Variants in PTPRN2 observed in about 807,000 individuals in gnomAD.
The protein encoded by PTPRN2 is protein tyrosine phosphatase receptor type N2.
PTPRN2 carries 74 observed loss-of-function variants against 118.8 expected under a neutral mutation model. The observed-to-expected ratio is 0.62, with a 90% CI of 0.52 to 0.76. The LOEUF (loss-of-function observed/expected upper bound fraction) is 0.76. PTPRN2 is among the 30% of genes least tolerant of loss of function. PTPRN2 has a pLI of 0.00. For synonymous variants in PTPRN2, 641 were observed against 608.0 expected (o/e 1.05, Z -0.80); for missense variants, 1,481 against 1,394.4 (o/e 1.06, Z -0.99).
intron 2 of PTPRN2, among the ~76,000 whole-genome samples, chr7:158,337,618 GGAGACACC>G (rs1805925358): frequency 8.8e-6 from 1 of 113,470 alleles, no homozygotes; most frequent in African/African-American, 3.4e-5. Flanking sequence ...CACCATAAGA[GGAGACACC>G]TGCAGACGTC....
In PTPRN2 at chr7:157,729,283, G is replaced by T. The variant is rs529586130; in HGVS notation, c.1789-46346C>A. Among the ~76,000 whole-genome samples, 3 of 152,162 alleles carry T rather than the reference G, an allele frequency of 2.0e-5. No individual in the cohort carries two copies. In the East Asian group the frequency reaches 5.8e-4, roughly 29 times the overall value. ...ATCCACTTGGCCCAGATTTGTTTTG[G>T]GAGGCAGGTGGGAACCCATGAGCTG... On this transcript the variant is annotated intron_variant, in intron 12 of 22. Transcript: ENST00000389418. The surrounding 1 kb of genome is among the most constrained non-coding windows in gnomAD (Gnocchi z 4.3).
intron 9 of PTPRN2, among the ~76,000 whole-genome samples, chr7:158,123,236 A>C (rs975858322): frequency 6.6e-6 from 1 of 152,214 alleles, no homozygotes; most frequent in Non-Finnish European, 1.5e-5. Flanking sequence ...ATCATCTTAT[A>C]AAGTAGTTAA....
chr7:158,417,978 T>G (rs1159407822), intron 2 of PTPRN2, among the ~76,000 whole-genome samples: 2 of 151,366 alleles, frequency 1.3e-5, no homozygotes, highest in Non-Finnish European at 2.9e-5. Context: ...GCTCTCAGTG[T>G]CCCACTGTGT....
At chr7:158,020,412 C>T (rs574571130) in intron 11 of PTPRN2, among the ~76,000 whole-genome samples, 2 of 152,174 alleles carry the variant, frequency 1.3e-5, no homozygotes, top group Admixed American at 6.5e-5. Context: ...GATGCCTGGG[C>T]AGAGGCCACC....
At chr7:157,898,761 C>T in intron 11 of PTPRN2, 24 bp from the exon 12 acceptor site, 1 of 1,572,826 alleles carries the variant, frequency 6.4e-7, no homozygotes. Context: ...TCAGAAAGCA[C>T]AAGAGTCAGG....
intron 1 of PTPRN2, among the ~76,000 whole-genome samples, chr7:158,561,289 C>G (rs898669381): frequency 6.6e-6 from 1 of 152,142 alleles, no homozygotes; most frequent in Non-Finnish European, 1.5e-5. Flanking sequence ...CTGTAACACC[C>G]GTTGCCTTAG....
At chr7:158,042,563 A>G (rs1808553195) in intron 11 of PTPRN2, among the ~76,000 whole-genome samples, 1 of 152,224 alleles carries the variant, frequency 6.6e-6, no homozygotes, top group South Asian at 2.1e-4. Flanking sequence ...CGCACTTAAC[A>G]TCTTCGCAGT....
intron 3 of PTPRN2, among the ~76,000 whole-genome samples, chr7:158,262,498 CACACACACT>C (rs1313527918): frequency 5.6e-5 from 3 of 53,802 alleles, no homozygotes; most frequent in African/African-American, 1.7e-4. Flanking sequence ...CACATACATG[CACACACACT>C]GCACACACAT....
At chr7:158,161,288 C>T (rs558288832) in intron 6 of PTPRN2, among the ~76,000 whole-genome samples, 9 of 152,242 alleles carry the variant, frequency 5.9e-5, no homozygotes, top group Admixed American at 2.6e-4. Context: ...AGAACAAAGG[C>T]GGAGGACAAC....
At chr7:158,023,849 G>A (rs1585221244) in intron 11 of PTPRN2, among the ~76,000 whole-genome samples, 1 of 150,284 alleles carries the variant, frequency 6.7e-6, no homozygotes, top group East Asian at 2.0e-4. Flanking sequence ...CACACGTGCA[G>A]GCAAACACAT....
chr7:158,166,999 G>T lies in PTPRN2; in HGVS notation c.842C>A (p.Ala281Glu), dbSNP rs760665830. 1 of 1,464,914 alleles carries T rather than the reference G, an allele frequency of 6.8e-7. No homozygotes were observed. The highest frequency in any genetic ancestry group is 9.1e-7 in the Non-Finnish European group (1 of 1,104,012). 90.7% of individuals were successfully genotyped at this position (1,464,914 alleles called of 1,614,324 possible). Residue 281 changes from alanine (A) to glutamate (E), a missense_variant, in exon 6 of 23, where the codon GCA (alanine) becomes GAA (glutamate). Around this residue, in one of 3 missense-constraint regions of PTPRN2, gnomAD observed 1,115 missense variants for 994.2 expected, o/e 1.12. Transcript: ENST00000389418. ...APSRMPRPLL[A>E]PAAPQKWPSP... is the part of the protein sequence containing the mutation. Reference sequence around the variant, plus strand: ...AGGCCACTTCTGGGGGGCGGCTGGTGCCAGCAAAGGCCTGGGCATTCTTGA... The same window carrying T: ...AGGCCACTTCTGGGGGGCGGCTGGTTCCAGCAAAGGCCTGGGCATTCTTGA...
chr7:158,412,196 C>A (rs1198995866), intron 2 of PTPRN2, among the ~76,000 whole-genome samples: 1 of 124,698 alleles, frequency 8.0e-6, no homozygotes, highest in African/African-American at 3.2e-5. Context: ...ATCTCAGCAC[C>A]CTCCTCAGCA....
At chr7:158,121,278 C>G (rs1436811550) in intron 9 of PTPRN2, among the ~76,000 whole-genome samples, 1 of 152,174 alleles carries the variant, frequency 6.6e-6, no homozygotes, top group Admixed American at 6.5e-5. Flanking sequence ...CTAGGACCGA[C>G]CACACCACTC....
chr7:158,422,625 G>T (rs571601693), intron 2 of PTPRN2, among the ~76,000 whole-genome samples: 22 of 146,668 alleles, frequency 1.5e-4, no homozygotes, highest in Non-Finnish European at 2.6e-4. Flanking sequence ...GGCTGACGCT[G>T]CCGGCTTCTG....
At chr7:157,685,058 G>T (rs1459148290) in intron 12 of PTPRN2, among the ~76,000 whole-genome samples, 1 of 151,626 alleles carries the variant, frequency 6.6e-6, no homozygotes, top group Non-Finnish European at 1.5e-5. Context: ...CCGGGGGCCC[G>T]GCCTGCGCCC....
intron 12 of PTPRN2, among the ~76,000 whole-genome samples, chr7:157,760,922 T>C (rs1802088203): frequency 6.6e-6 from 1 of 152,156 alleles, no homozygotes; most frequent in African/African-American, 2.4e-5. Context: ...TCCTGCCTAA[T>C]TGCCCTGGCC....
In PTPRN2 at chr7:157,550,102, C is replaced by T. The variant is rs1386494201; in HGVS notation, c.2903-1083G>A. Among the ~76,000 whole-genome samples the T allele has an allele frequency of 1.3e-5, 2 of 152,238 alleles. No homozygotes were observed. The highest frequency in any genetic ancestry group is 4.8e-5 in the African/African-American group (2 of 41,468). On this transcript the variant is annotated intron_variant, in intron 21 of 22. Coordinates refer to ENST00000389418, the MANE Select transcript of PTPRN2 (RefSeq NM_002847.5). The surrounding 1 kb of genome is among the most constrained non-coding windows in gnomAD (Gnocchi z 5.2). ...AGAGTCAGGTGGTCCCCAGGCCTTT[C>T]TCTCCGGCCGCAACCTGAGTGCACA...
intron 21 of PTPRN2, among the ~76,000 whole-genome samples, chr7:157,567,267 ATAT>A (rs1309961423): frequency 2.0e-5 from 3 of 152,258 alleles, no homozygotes; most frequent in Non-Finnish European, 4.4e-5. Context: ...AGGATTAAAA[ATAT>A]TATGAGTGTT....
chr7:157,561,928 T>C (rs1799212474), intron 21 of PTPRN2, among the ~76,000 whole-genome samples: 1 of 152,210 alleles, frequency 6.6e-6, no homozygotes, highest in African/African-American at 2.4e-5. Context: ...CAGTGGACGC[T>C]GCCCTGCCAT....
Sources: allele counts gnomAD v4.1 joint callset (sites outside exome capture counted in the v4.1 genomes callset), GRCh38; gene constraint gnomAD v4.1.1; regional missense constraint gnomAD v4.1.1; non-coding constraint Gnocchi (gnomAD v3.1); transcripts MANE v1.5; gene names NCBI Gene and HGNC (gene_info 2026-07-23, HGNC 2026-07-21).